Variants in NFIX observed in about 807,000 individuals in gnomAD.
NFIX encodes nuclear factor 1 X-type.
In NFIX, 2 loss-of-function variants were observed where a neutral mutation model predicts 53.3. The ratio of observed to expected loss-of-function variants is 0.04; its 90% CI spans 0.02 to 0.12. The LOEUF (loss-of-function observed/expected upper bound fraction) is 0.12. NFIX is among the 10% of genes least tolerant of loss of function. The pLI, the probability that NFIX is intolerant of heterozygous loss-of-function variation, is 1.00. For synonymous variants in NFIX, 244 were observed against 289.0 expected (o/e 0.84, Z 1.58); for missense variants, 310 against 674.5 (o/e 0.46, Z 5.99).
intron 2 of NFIX, among the ~76,000 whole-genome samples, chr19:13,053,947 C>T (rs189589651): frequency 3.3e-5 from 5 of 152,300 alleles, no homozygotes; most frequent in East Asian, 1.9e-4. Flanking sequence ...TCCCTGGACA[C>T]CTCCTAAAAC....
Position 13,040,398 on chromosome 19 carries a change from G to A in NFIX, c.559+14846G>A, listed in dbSNP as rs57004342. Among the ~76,000 whole-genome samples the A allele has an allele frequency of 4.6e-5, 7 of 152,212 alleles. No homozygotes were observed. The highest frequency in any genetic ancestry group is 1.4e-4 in the African/African-American group (6 of 41,436). On this transcript the variant is annotated intron_variant, in intron 2 of 10. Transcript: ENST00000592199. The surrounding 1 kb of genome is among the most constrained non-coding windows in gnomAD (Gnocchi z 4.2). ...GTCTGCGGAGCAGCCAAACTCACTC[G>A]TGACAGGGTCTCTTCCCGTGCCAGA... is the stretch of plus-strand genomic sequence containing the variant.
intron 2 of NFIX, among the ~76,000 whole-genome samples, chr19:13,056,315 C>T (rs772704661): frequency 6.6e-6 from 1 of 152,146 alleles, no homozygotes; most frequent in Non-Finnish European, 1.5e-5. Flanking sequence ...GCTCTGGACC[C>T]GACCGTTTGA....
chr19:13,056,306 C>G (rs902137921), intron 2 of NFIX, among the ~76,000 whole-genome samples: 2 of 152,160 alleles, frequency 1.3e-5, no homozygotes, highest in African/African-American at 4.8e-5. Flanking sequence ...TCAGGCTTGG[C>G]TCTGGACCCG....
In NFIX at chr19:13,006,020, G is replaced by A. The variant is rs2011994934; in HGVS notation, c.27+10156G>A. Among the ~76,000 whole-genome samples the A allele has an allele frequency of 6.6e-6, 1 of 152,224 alleles. No individual in the cohort carries two copies. Among genetic ancestry groups the A allele is most frequent in the Non-Finnish European group, 1.5e-5 (1 of 68,038 alleles). On this transcript the variant is annotated intron_variant, in intron 1 of 10. Coordinates refer to ENST00000592199, the MANE Select transcript of NFIX (RefSeq NM_001365902.3). The surrounding 1 kb of genome is among the most constrained non-coding windows in gnomAD (Gnocchi z 5.6). ...AATATTTACCAAGCACCTCCTGGGTGCCAGGCTCTGTTTTAGGCCCCGGGG... is the reference window on the plus strand; with the variant it reads ...AATATTTACCAAGCACCTCCTGGGTACCAGGCTCTGTTTTAGGCCCCGGGG...
In NFIX at chr19:13,078,601, T is replaced by C; in HGVS notation, c.956-12T>C. ...GCTAAACCTGCCCTGTGTTGCTGCT[T>C]CCTCCCCCCAGGCCCGGCTTCTCTA... On this transcript the variant is annotated splice_polypyrimidine_tract_variant and intron_variant, in intron 6 of 10. Coordinates refer to ENST00000592199, the MANE Select transcript of NFIX (RefSeq NM_001365902.3). The surrounding 1 kb of genome is among the most constrained non-coding windows in gnomAD (Gnocchi z 4.7). 6.3e-7 allele frequency: 1 copy of C among 1,596,048 alleles called. No individual in the cohort carries two copies. The highest frequency in any genetic ancestry group is 1.1e-5 in the South Asian group (1 of 87,456).
chr19:13,067,483 CGT>C lies in NFIX; in HGVS notation c.560-5543_560-5542del, dbSNP rs3982404. Reference sequence around the variant, plus strand: ...GCGCGCGTGTGTGTGTGTGTGTGTGCGTGTGTGTGTGTGTGTGTGTGTATGTG... The same window carrying C: ...GCGCGCGTGTGTGTGTGTGTGTGTGCGTGTGTGTGTGTGTGTGTGTATGTG... On this transcript the variant is annotated intron_variant, in intron 2 of 10. Coordinates refer to ENST00000592199, the MANE Select transcript of NFIX (RefSeq NM_001365902.3). This position sits in a 1 kb window ranked among gnomAD's most constrained non-coding sequence, Gnocchi z 4.2. 0.41 allele frequency among the ~76,000 whole-genome samples: 60,395 copies of C among 147,080 alleles called. 12,622 individuals carry two copies. The highest frequency in any genetic ancestry group is 0.59 in the East Asian group (2,939 of 5,004).
At chr19:13,074,735 A>G (rs2016977974) in intron 5 of NFIX, among the ~76,000 whole-genome samples, 1 of 149,002 alleles carries the variant, frequency 6.7e-6, no homozygotes, top group African/African-American at 2.5e-5. Flanking sequence ...GGGTGTTTAT[A>G]TTAATTGCGA....
chr19:13,066,869 G>A lies in NFIX; in HGVS notation c.560-6178G>A, dbSNP rs2016437572. The stretch of plus-strand genomic sequence containing the variant: ...AGACCCTGGCCAAGCCTCATCCCCC[G>A]GCCCTCTGGCTGCCCTGCATTCTCA... On this transcript the variant is annotated intron_variant, in intron 2 of 10. Transcript: ENST00000592199. The surrounding 1 kb of genome is among the most constrained non-coding windows in gnomAD (Gnocchi z 4.2). Among the ~76,000 whole-genome samples, 2 of 152,200 alleles carry A rather than the reference G, an allele frequency of 1.3e-5. No individual in the cohort carries two copies. The highest frequency in any genetic ancestry group is 4.8e-5 in the African/African-American group (2 of 41,524).
intron 2 of NFIX, among the ~76,000 whole-genome samples, chr19:13,063,521 T>A (rs2016222598): frequency 6.6e-6 from 1 of 152,082 alleles, no homozygotes; most frequent in East Asian, 1.9e-4. Flanking sequence ...ATTTCCTCTC[T>A]GCTCTTTTTT....
At chr19:13,015,735 G>A (rs999571311) in intron 1 of NFIX, among the ~76,000 whole-genome samples, 11 of 151,996 alleles carry the variant, frequency 7.2e-5, no homozygotes, top group Admixed American at 2.0e-4. Context: ...TGCTAAACCC[G>A]CTGCACAGTT....
intron 1 of NFIX, among the ~76,000 whole-genome samples, chr19:12,997,955 C>T (rs2011529231): frequency 1.3e-5 from 2 of 152,208 alleles, no homozygotes; most frequent in Admixed American, 6.5e-5. Context: ...GCTGCCAGCC[C>T]TTCATGGTGG....
intron 2 of NFIX, among the ~76,000 whole-genome samples, chr19:13,042,100 G>GT (rs2014674153): frequency 6.7e-6 from 1 of 149,768 alleles, no homozygotes; most frequent in Admixed American, 6.7e-5. Flanking sequence ...TAGAGACAGG[G>GT]TTTCACCATG....
chr19:13,092,937 T>C (rs2018232507), intron 10 of NFIX, among the ~76,000 whole-genome samples: 1 of 152,250 alleles, frequency 6.6e-6, no homozygotes, highest in Non-Finnish European at 1.5e-5. Context: ...GGAGCCCCAC[T>C]GAGGGAGGGC....
chr19:13,010,096 C>T (rs2012248276), intron 1 of NFIX, among the ~76,000 whole-genome samples: 1 of 152,186 alleles, frequency 6.6e-6, no homozygotes, highest in Non-Finnish European at 1.5e-5. Flanking sequence ...TTGCTTTCCC[C>T]TTCTTTGTTC....
chr19:13,092,531 C>A (rs73507375), intron 10 of NFIX, among the ~76,000 whole-genome samples: 2,161 of 152,360 alleles, frequency 0.014, 46 homozygotes, highest in African/African-American at 0.049. Flanking sequence ...GAGGCCCTGG[C>A]ATGATCTGCC....
chr19:13,059,702 G>C lies in NFIX; in HGVS notation c.560-13345G>C, dbSNP rs111252960. On this transcript the variant is annotated intron_variant, in intron 2 of 10. Transcript: ENST00000592199. ...GAGCCATAATGATTGGGGGAGTGGT[G>C]CCAGCAGATGGGGTGTGCTGCAGGG... Among the ~76,000 whole-genome samples, 588 of 150,570 alleles carry C rather than the reference G, an allele frequency of 3.9e-3. 4 individuals carry two copies. Among genetic ancestry groups the C allele is most frequent in the African/African-American group, 0.014 (558 of 40,854 alleles).
chr19:13,065,578 T>C (rs1163477027), intron 2 of NFIX, among the ~76,000 whole-genome samples: 1 of 152,180 alleles, frequency 6.6e-6, no homozygotes, highest in African/African-American at 2.4e-5. Context: ...ACTGTTGGGC[T>C]GATCCTGGAG....
At position 13,098,723 on chromosome 19, in the gene NFIX, C is replaced by T. The variant is rs1423704596; in HGVS notation, c.*4074C>T. On this transcript the variant is annotated 3_prime_UTR_variant, in exon 11 of 11. Transcript: ENST00000592199. ...TGCGCTTCTGTTATACCATCTTTGC[C>T]TGACTCTCTCCGGCTTCTCCATTGA... 1 of 154,542 alleles carries T rather than the reference C, an allele frequency of 6.5e-6. No homozygotes were observed. The highest frequency in any genetic ancestry group is 2.4e-5 in the African/African-American group (1 of 41,394). The allele number at this position is 154,542 out of a possible 1,614,324, so 9.6% of individuals were successfully genotyped here.
chr19:13,059,777 C>CTTTTTTTT (rs35128120), intron 2 of NFIX, among the ~76,000 whole-genome samples: 11 of 60,336 alleles, frequency 1.8e-4, no homozygotes, highest in Non-Finnish European at 2.3e-4. Context: ...AATTAGAATT[C>CTTTTTTTT]TTTTTTTTTT....
Sources: gnomAD v4.1 joint callset for allele counts (sites outside exome capture counted in the v4.1 genomes callset) on GRCh38, gnomAD v4.1.1 for gene constraint, Gnocchi (gnomAD v3.1) non-coding constraint, MANE v1.5 for transcripts, NCBI Gene and HGNC (gene_info 2026-07-23, HGNC 2026-07-21) for gene names.